Variants in RBFOX1 observed in about 807,000 individuals in gnomAD.
RBFOX1 encodes the protein RNA binding protein fox-1 homolog 1.
Under a neutral mutation model 57.7 loss-of-function variants are expected in RBFOX1, and 8 were observed. That is an observed-to-expected ratio of 0.14 (90% CI 0.08 to 0.25). The LOEUF is 0.25. Among genes scored for constraint, RBFOX1 ranks in the 10% least tolerant of loss-of-function variants. RBFOX1 has a pLI of 1.00. For missense variants in RBFOX1, 611 were observed against 548.5 expected, an observed-to-expected ratio of 1.11 and a Z score of -1.14; for synonymous variants, 326 against 222.4, an observed-to-expected ratio of 1.47 and a Z score of -4.15.
At chr16:5,746,415 A>C (rs79863453) in intron 3 of RBFOX1, among the ~76,000 whole-genome samples, 54 of 152,264 alleles carry the variant, frequency 3.5e-4, no homozygotes, top group African/African-American at 1.1e-3. Flanking sequence ...TTGTCTTGGC[A>C]ATGCGGGCTC....
chr16:5,378,639 T>C (rs1341241263), intron 1 of RBFOX1, among the ~76,000 whole-genome samples: 2 of 151,476 alleles, frequency 1.3e-5, no homozygotes, highest in Admixed American at 6.5e-5. Context: ...CTGGGTAAAC[T>C]GGGATGGTTG....
intron 3 of RBFOX1, among the ~76,000 whole-genome samples, chr16:5,630,149 G>C (rs748012797): frequency 1.3e-5 from 2 of 152,198 alleles, no homozygotes; most frequent in African/African-American, 2.4e-5. Context: ...CAGGAGTAGA[G>C]ATCAAGGAGG....
chr16:5,679,814 T>A (rs758049735), intron 3 of RBFOX1, among the ~76,000 whole-genome samples: 25 of 152,192 alleles, frequency 1.6e-4, no homozygotes, highest in Non-Finnish European at 3.2e-4. Context: ...TCTCCAAATT[T>A]CTGTCTCCTT....
At chr16:5,855,735 G>A (rs1316058275) in intron 3 of RBFOX1, among the ~76,000 whole-genome samples, 2 of 151,964 alleles carry the variant, frequency 1.3e-5, no homozygotes, top group African/African-American at 4.8e-5. Flanking sequence ...ATGAATTTTA[G>A]GGTTGTTTTT....
chr16:5,250,162 A>G (rs984410662), intron 1 of RBFOX1, among the ~76,000 whole-genome samples: 2 of 152,050 alleles, frequency 1.3e-5, no homozygotes, highest in African/African-American at 4.8e-5. Flanking sequence ...ATTTATATAG[A>G]AAACAAAAAG....
chr16:6,520,880 G>A (rs28479603), intron 2 of RBFOX1, among the ~76,000 whole-genome samples: 22,974 of 151,996 alleles, frequency 0.15, 4,531 homozygotes, highest in African/African-American at 0.46. Flanking sequence ...GTAGGCAGAC[G>A]TTGCTGAGAG....
intron 3 of RBFOX1, among the ~76,000 whole-genome samples, chr16:6,808,779 G>A (rs1161711883): frequency 6.6e-6 from 1 of 152,058 alleles, no homozygotes; most frequent in Non-Finnish European, 1.5e-5. Flanking sequence ...GGTATTAACT[G>A]TATCTGTGTC....
chr16:7,212,475 A>G (rs1448572101), intron 4 of RBFOX1, among the ~76,000 whole-genome samples: 1 of 152,176 alleles, frequency 6.6e-6, no homozygotes, highest in Non-Finnish European at 1.5e-5. Flanking sequence ...TTTAGAGTTT[A>G]GGGAATTACA....
intron 2 of RBFOX1, among the ~76,000 whole-genome samples, chr16:5,532,234 T>C (rs887957666): frequency 6.6e-6 from 1 of 152,202 alleles, no homozygotes; most frequent in Non-Finnish European, 1.5e-5. Flanking sequence ...AGGGCCTCTA[T>C]CCATTATCTT....
At chr16:7,550,429 T>G (rs541949174) in intron 5 of RBFOX1, among the ~76,000 whole-genome samples, 1 of 152,220 alleles carries the variant, frequency 6.6e-6, no homozygotes, top group African/African-American at 2.4e-5. Flanking sequence ...CCGTGGAATG[T>G]TTGTAGCAGC....
intron 3 of RBFOX1, among the ~76,000 whole-genome samples, chr16:5,846,774 A>AG (rs2056768079): frequency 6.6e-6 from 1 of 152,224 alleles, no homozygotes; most frequent in Non-Finnish European, 1.5e-5. Flanking sequence ...GTGGATGTGA[A>AG]GGACCACATA....
chr16:5,441,288 G>T (rs776631988), intron 1 of RBFOX1, among the ~76,000 whole-genome samples: 1 of 151,846 alleles, frequency 6.6e-6, no homozygotes, highest in South Asian at 2.1e-4. Flanking sequence ...GGGATACAGT[G>T]GTCAGTGTAT....
At chr16:7,492,082 G>C (rs908579280) in intron 4 of RBFOX1, among the ~76,000 whole-genome samples, 5 of 152,134 alleles carry the variant, frequency 3.3e-5, no homozygotes, top group African/African-American at 1.2e-4. Context: ...TCAATTTTCA[G>C]CATTAAATTT....
intron 3 of RBFOX1, among the ~76,000 whole-genome samples, chr16:5,701,118 A>T (rs2051032099): frequency 1.3e-5 from 2 of 151,912 alleles, no homozygotes; most frequent in Non-Finnish European, 1.5e-5. Context: ...ATGCCTGTTT[A>T]TTGTTAAAGA....
At chr16:6,924,001 C>G (rs751555769) in intron 3 of RBFOX1, among the ~76,000 whole-genome samples, 4 of 151,900 alleles carry the variant, frequency 2.6e-5, no homozygotes, top group African/African-American at 9.7e-5. Flanking sequence ...GAAACCCTGT[C>G]TCTACTAAAA....
At chr16:5,362,543 G>A (rs1056328973) in intron 1 of RBFOX1, among the ~76,000 whole-genome samples, 1 of 152,128 alleles carries the variant, frequency 6.6e-6, no homozygotes, top group Non-Finnish European at 1.5e-5. Context: ...TGTATTTTTA[G>A]TAGAGACGGG....
chr16:5,867,370 T>C (rs919639382), intron 4 of RBFOX1: 9 of 1,147,412 alleles, frequency 7.8e-6, no homozygotes, highest in Non-Finnish European at 9.9e-6. Flanking sequence ...CTTTAGAAGA[T>C]AGTTTGAAGT....
intron 3 of RBFOX1, among the ~76,000 whole-genome samples, chr16:5,657,252 C>T (rs1052695861): frequency 7.9e-5 from 12 of 152,152 alleles, no homozygotes; most frequent in African/African-American, 2.4e-4. Flanking sequence ...GTCTTAGAAC[C>T]ATGATTTCCT....
chr16:7,686,195 A>C (rs1342408107), intron 14 of RBFOX1, among the ~76,000 whole-genome samples: 1 of 152,012 alleles, frequency 6.6e-6, no homozygotes, highest in African/African-American at 2.4e-5. Flanking sequence ...GTGAAAAAAA[A>C]AACAAGGAGT....
Sources: allele counts gnomAD v4.1 joint callset (sites outside exome capture counted in the v4.1 genomes callset), GRCh38; gene constraint gnomAD v4.1.1; transcripts MANE v1.5; gene names NCBI Gene and HGNC (gene_info 2026-07-23, HGNC 2026-07-21).